Variants in NEO1 observed in about 807,000 individuals in gnomAD.
The protein encoded by NEO1 is neogenin 1, also known as neogenin.
A neutral mutation model predicts 159.7 loss-of-function variants in NEO1; 63 were observed. The observed-to-expected ratio is 0.39, with a 90% CI of 0.32 to 0.49. NEO1 has a LOEUF of 0.49. Ranked by LOEUF, NEO1 falls within the 20% of genes least tolerant of loss-of-function variation. The probability of loss-of-function intolerance (pLI) is 0.85; values close to 1 mark genes in which losing one functional copy is unlikely to be tolerated. For synonymous variants in NEO1, 633 were observed against 662.0 expected, an observed-to-expected ratio of 0.96 and a Z score of 0.67; for missense variants, 1,615 against 1,831.0, an observed-to-expected ratio of 0.88 and a Z score of 2.15.
Position 73,263,190 on chromosome 15 carries a change from CTT to C in NEO1, c.2398+2745_2398+2746del, listed in dbSNP as rs33959030. Among the ~76,000 whole-genome samples, 426 of 124,092 alleles carry C rather than the reference CTT, an allele frequency of 3.4e-3. 2 individuals carry two copies. The highest frequency in any genetic ancestry group is 0.011 in the African/African-American group (386 of 33,946). The allele number at this position is 124,092 out of a possible 152,430, so 81.4% of individuals were successfully genotyped here. ...TATGCTAATTATACCTCATAGTTGA[CTT>C]TTTTTTTTTTTTTTTTTTTGAGACA... On this transcript the variant is annotated intron_variant, in intron 15 of 28. Coordinates refer to ENST00000261908, the MANE Select transcript of NEO1 (RefSeq NM_002499.4).
At chr15:73,119,921 G>A (rs922896622) in intron 2 of NEO1, among the ~76,000 whole-genome samples, 7 of 152,194 alleles carry the variant, frequency 4.6e-5, no homozygotes, top group Non-Finnish European at 1.5e-5. Flanking sequence ...CGGATCACCT[G>A]AGGTCAGGAG....
intron 7 of NEO1, among the ~76,000 whole-genome samples, chr15:73,193,309 A>G (rs948221007): frequency 1.3e-5 from 2 of 152,150 alleles, no homozygotes; most frequent in African/African-American, 4.8e-5. Context: ...TCTAGCTAGA[A>G]TAGACCTTAG....
At chr15:73,147,817 C>CTT (rs34612116) in intron 5 of NEO1, among the ~76,000 whole-genome samples, 8 of 139,776 alleles carry the variant, frequency 5.7e-5, no homozygotes, top group Admixed American at 3.5e-4. Context: ...GGTGGAATGT[C>CTT]TTTTTTTTTT....
At chr15:73,130,146 G>C (rs2030892222) in intron 4 of NEO1, among the ~76,000 whole-genome samples, 1 of 152,112 alleles carries the variant, frequency 6.6e-6, no homozygotes, top group Non-Finnish European at 1.5e-5. Context: ...GCTAATTTTT[G>C]TATTTTTCAT....
intron 25 of NEO1, among the ~76,000 whole-genome samples, chr15:73,292,611 G>A (rs950913256): frequency 1.6e-4 from 25 of 152,184 alleles, no homozygotes; most frequent in African/African-American, 5.8e-4. Context: ...TGTGAAATCT[G>A]TGTGGAAATT....
intron 5 of NEO1, among the ~76,000 whole-genome samples, chr15:73,167,978 A>G (rs189749222): frequency 6.6e-6 from 1 of 152,172 alleles, no homozygotes; most frequent in African/African-American, 2.4e-5. Context: ...AAAGTCAGAC[A>G]CTCAAGAGTG....
chr15:73,291,300 T>C (rs2042156490), intron 25 of NEO1, among the ~76,000 whole-genome samples: 1 of 152,354 alleles, frequency 6.6e-6, no homozygotes, highest in Non-Finnish European at 1.5e-5. Flanking sequence ...TTACTATCTT[T>C]ATTTCTAGAT....
intron 7 of NEO1, 168 bp from the exon 8 acceptor site, chr15:73,236,179 C>T (rs1405666594): frequency 1.2e-6 from 1 of 835,382 alleles, no homozygotes; most frequent in East Asian, 2.7e-5. Context: ...TATTTTATTT[C>T]CCATCGTGGT....
rs2033832571 is a variant in NEO1, at chr15:73,157,027, G to T, written c.1016-19376G>T. Among the ~76,000 whole-genome samples the T allele has an allele frequency of 3.3e-5, 5 of 152,290 alleles. No homozygotes were observed. In the South Asian group the frequency reaches 1.0e-3, roughly 32 times the overall value. ...TAAGTAGGACTTACTTCCTTCTCAT[G>T]CCCCAGTCCTGGCAGAGTTCCCTCC... On this transcript the variant is annotated intron_variant, in intron 5 of 28. Transcript: ENST00000261908.
intron 7 of NEO1, among the ~76,000 whole-genome samples, chr15:73,217,445 A>G (rs1268435703): frequency 6.6e-6 from 1 of 151,116 alleles, no homozygotes; most frequent in Non-Finnish European, 1.5e-5. Context: ...ACTTTAAAGT[A>G]GTTTTTTCCA....
intron 14 of NEO1, 107 bp from the exon 15 acceptor site, chr15:73,260,164 C>A: frequency 2.0e-5 from 18 of 896,432 alleles, no homozygotes; most frequent in East Asian, 1.2e-4. Context: ...ATGTAAAAAA[C>A]TTAGCCCCAA....
At chr15:73,136,414 G>A (rs765865865) in intron 5 of NEO1, among the ~76,000 whole-genome samples, 31 of 151,988 alleles carry the variant, frequency 2.0e-4, no homozygotes, top group Non-Finnish European at 3.7e-4. Context: ...TGACAGGAAG[G>A]GTATGATCTG....
intron 1 of NEO1, among the ~76,000 whole-genome samples, chr15:73,111,141 A>C (rs1268413766): frequency 6.6e-6 from 1 of 152,184 alleles, no homozygotes; most frequent in South Asian, 2.1e-4. Flanking sequence ...CAGGGAGAAA[A>C]CAATGTTAAC....
chr15:73,079,682 A>G (rs1403778143), intron 1 of NEO1, among the ~76,000 whole-genome samples: 1 of 152,232 alleles, frequency 6.6e-6, no homozygotes, highest in African/African-American at 2.4e-5. Flanking sequence ...AGTTTCTGCT[A>G]TACTTGAATA....
At chr15:73,193,678 A>G (rs2036364025) in intron 7 of NEO1, among the ~76,000 whole-genome samples, 2 of 150,368 alleles carry the variant, frequency 1.3e-5, no homozygotes, top group African/African-American at 4.9e-5. Context: ...CTGGTTGTGG[A>G]CAACATATTC....
chr15:73,145,788 GTA>G (rs1169831818), intron 5 of NEO1, among the ~76,000 whole-genome samples: 1 of 152,144 alleles, frequency 6.6e-6, no homozygotes, highest in Non-Finnish European at 1.5e-5. Context: ...GAAGCTTTAT[GTA>G]TCTTCCTCTT....
At chr15:73,086,963 A>G (rs1483822834) in intron 1 of NEO1, among the ~76,000 whole-genome samples, 2 of 151,904 alleles carry the variant, frequency 1.3e-5, no homozygotes, top group African/African-American at 4.8e-5. Context: ...GCCAGAAACA[A>G]TTTTATTTGT....
chr15:73,174,086 C>G (rs1228910338), intron 5 of NEO1, among the ~76,000 whole-genome samples: 2 of 129,266 alleles, frequency 1.5e-5, no homozygotes, highest in Non-Finnish European at 3.3e-5. Context: ...GGCAATAGAG[C>G]GAGACTCCAT....
chr15:73,292,579 T>A (rs912263051), intron 25 of NEO1, among the ~76,000 whole-genome samples: 2 of 152,256 alleles, frequency 1.3e-5, no homozygotes, highest in African/African-American at 2.4e-5. Flanking sequence ...ACATGGAATC[T>A]CTGTCTTCAT....
Sources: gnomAD v4.1 joint callset for allele counts (sites outside exome capture counted in the v4.1 genomes callset) on GRCh38, gnomAD v4.1.1 for gene constraint, MANE v1.5 for transcripts, NCBI Gene and HGNC (gene_info 2026-07-23, HGNC 2026-07-21) for gene names.